SH3RF3: variants seen among roughly 807,000 people sequenced by gnomAD.
SH3RF3 encodes SH3 domain containing ring finger 3.
SH3RF3 carries 29 observed loss-of-function variants against 66.3 expected under a neutral mutation model. The ratio of observed to expected loss-of-function variants is 0.44; its 90% CI spans 0.33 to 0.60. SH3RF3 has a LOEUF of 0.60. SH3RF3 is among the 20% of genes least tolerant of loss of function. The probability of loss-of-function intolerance (pLI) is 0.04; values close to 1 mark genes in which losing one functional copy is unlikely to be tolerated. For synonymous variants in SH3RF3, 583 were observed against 532.0 expected (o/e 1.10, Z -1.32); for missense variants, 1,194 against 1,190.9 (o/e 1.00, Z -0.04).
At chr2:109,281,375 G>C (rs1302239388) in intron 1 of SH3RF3, among the ~76,000 whole-genome samples, 1 of 152,202 alleles carries the variant, frequency 6.6e-6, no homozygotes, top group Non-Finnish European at 1.5e-5. Flanking sequence ...TGGAAAGTGA[G>C]GAGAGGGAAG....
chr2:109,345,641 A>T (rs1682673885), intron 1 of SH3RF3, among the ~76,000 whole-genome samples: 1 of 152,124 alleles, frequency 6.6e-6, no homozygotes, highest in African/African-American at 2.4e-5. Flanking sequence ...GCCTTGATGG[A>T]TATCTAAGTG....
chr2:109,351,381 T>C (rs6753492), intron 2 of SH3RF3, among the ~76,000 whole-genome samples: 11,850 of 152,256 alleles, frequency 0.078, 1,054 homozygotes, highest in African/African-American at 0.22. Context: ...TGTGGTGTGC[T>C]GAGAACCACA....
chr2:109,177,619 AGGTGAG>A (rs1472297540), intron 1 of SH3RF3, among the ~76,000 whole-genome samples: 2 of 152,028 alleles, frequency 1.3e-5, no homozygotes, highest in Admixed American at 6.6e-5. Flanking sequence ...CAGGGTGTTG[AGGTGAG>A]GGTGAGGGTG....
chr2:109,238,066 C>T (rs1679688780), intron 1 of SH3RF3, among the ~76,000 whole-genome samples: 1 of 152,076 alleles, frequency 6.6e-6, no homozygotes, highest in South Asian at 2.1e-4. Flanking sequence ...ATTAGCCAAG[C>T]ATGGTGGCAT....
intron 4 of SH3RF3, among the ~76,000 whole-genome samples, chr2:109,403,584 G>A (rs1220717076): frequency 1.3e-5 from 2 of 152,206 alleles, no homozygotes; most frequent in Non-Finnish European, 2.9e-5. Context: ...AAGGAGACAC[G>A]CAGGAGAATG....
At chr2:109,315,590 T>G (rs1681859467) in intron 1 of SH3RF3, among the ~76,000 whole-genome samples, 1 of 152,374 alleles carries the variant, frequency 6.6e-6, no homozygotes, top group South Asian at 2.1e-4. Context: ...TGTGCAGAAC[T>G]TTCAGAAACT....
intron 1 of SH3RF3, among the ~76,000 whole-genome samples, chr2:109,249,487 T>TTC (rs1281351503): frequency 1.9e-4 from 4 of 21,494 alleles, no homozygotes; most frequent in Non-Finnish European, 2.8e-4. Context: ...CTTTCTTTCT[T>TTC]TCTTTCTTTC....
chr2:109,327,896 T>G (rs1216087919), intron 1 of SH3RF3, among the ~76,000 whole-genome samples: 2 of 152,222 alleles, frequency 1.3e-5, no homozygotes, highest in African/African-American at 4.8e-5. Flanking sequence ...CATTTCTTTT[T>G]CTTGTTATTA....
At chr2:109,485,348 A>G (rs919953566) in intron 8 of SH3RF3, among the ~76,000 whole-genome samples, 1 of 152,234 alleles carries the variant, frequency 6.6e-6, no homozygotes, top group Non-Finnish European at 1.5e-5. Context: ...AATGACTTGT[A>G]TCTCTGTTTA....
At chr2:109,338,373 G>A (rs982676129) in intron 1 of SH3RF3, among the ~76,000 whole-genome samples, 5 of 151,958 alleles carry the variant, frequency 3.3e-5, no homozygotes, top group African/African-American at 9.7e-5. Context: ...GAGCGCTGGG[G>A]ACCCAGTTCT....
At chr2:109,453,005 G>A (rs1470204518) in intron 8 of SH3RF3, among the ~76,000 whole-genome samples, 2 of 150,206 alleles carry the variant, frequency 1.3e-5, no homozygotes, top group East Asian at 2.0e-4. Context: ...GCTGGTCCCC[G>A]GGAAACTGGT....
intron 1 of SH3RF3, among the ~76,000 whole-genome samples, chr2:109,272,200 A>G (rs752815051): frequency 6.6e-6 from 1 of 152,196 alleles, no homozygotes; most frequent in Non-Finnish European, 1.5e-5. Context: ...GCCCTCTGCA[A>G]TGACTGTCTG....
intron 5 of SH3RF3, among the ~76,000 whole-genome samples, chr2:109,424,651 GTTAC>G (rs1676982228): frequency 6.6e-6 from 1 of 152,060 alleles, no homozygotes; most frequent in South Asian, 2.1e-4. Flanking sequence ...GATTTTTGGC[GTTAC>G]TGTTATGGAG....
At chr2:109,386,486 G>A (rs766369366) in intron 3 of SH3RF3, among the ~76,000 whole-genome samples, 4 of 151,978 alleles carry the variant, frequency 2.6e-5, no homozygotes, top group Admixed American at 6.5e-5. Context: ...CTCAGCAGGC[G>A]GGCTGTCCCT....
intron 1 of SH3RF3, among the ~76,000 whole-genome samples, chr2:109,335,117 G>A (rs547805002): frequency 2.6e-5 from 4 of 152,338 alleles, no homozygotes; most frequent in East Asian, 1.9e-4. Context: ...CGAACATTTC[G>A]TGTTTTCGGA....
chr2:109,330,039 A>G (rs968942047), intron 1 of SH3RF3, among the ~76,000 whole-genome samples: 1 of 152,230 alleles, frequency 6.6e-6, no homozygotes, highest in Non-Finnish European at 1.5e-5. Flanking sequence ...CTTACAAAAC[A>G]TTGAATTTCA....
rs72952028 is a variant in SH3RF3, at chr2:109,207,492, A to G, written c.573+77379A>G. ...TGTAATAATGTTATGCAGCAGAACCATCTGCCTTTGGAGAGATGCATGTCA... is the reference window on the plus strand; with the variant it reads ...TGTAATAATGTTATGCAGCAGAACCGTCTGCCTTTGGAGAGATGCATGTCA... On this transcript the variant is annotated intron_variant, in intron 1 of 9. Transcript: ENST00000309415. 8.8e-3 allele frequency among the ~76,000 whole-genome samples: 1,347 copies of G among 152,314 alleles called. 19 individuals are homozygous for G. The highest frequency in any genetic ancestry group is 0.031 in the African/African-American group (1,288 of 41,568).
At chr2:109,164,111 G>A (rs1677559559) in intron 1 of SH3RF3, among the ~76,000 whole-genome samples, 1 of 152,032 alleles carries the variant, frequency 6.6e-6, no homozygotes, top group African/African-American at 2.4e-5. Flanking sequence ...CTCTTCTCTT[G>A]TGTCTGTTAA....
intron 1 of SH3RF3, among the ~76,000 whole-genome samples, chr2:109,149,171 A>G (rs1427340767): frequency 3.3e-5 from 5 of 152,278 alleles, no homozygotes; most frequent in African/African-American, 1.2e-4. Flanking sequence ...TGGAGTGGGC[A>G]GGACTCAGGG....
Sources: allele counts gnomAD v4.1 joint callset (sites outside exome capture counted in the v4.1 genomes callset), GRCh38; gene constraint gnomAD v4.1.1; transcripts MANE v1.5; gene names NCBI Gene and HGNC (gene_info 2026-07-23, HGNC 2026-07-21).